COL24A1: variants seen among roughly 807,000 people sequenced by gnomAD.
COL24A1 encodes collagen alpha-1(XXIV) chain.
COL24A1 carries 224 observed loss-of-function variants against 253.9 expected under a neutral mutation model. That is an observed-to-expected ratio of 0.88 (90% CI 0.79 to 0.99). The LOEUF (loss-of-function observed/expected upper bound fraction) is 0.99, where lower values mean the gene tolerates loss of function less well. Among genes scored for constraint, COL24A1 ranks in the 50% least tolerant of loss-of-function variants. The pLI is 0.00. For synonymous variants in COL24A1, 685 were observed against 673.7 expected (o/e 1.02, Z -0.26); for missense variants, 2,131 against 2,068.5 (o/e 1.03, Z -0.59).
chr1:86,000,808 A>G (rs1300532168), intron 19 of COL24A1, among the ~76,000 whole-genome samples: 2 of 152,224 alleles, frequency 1.3e-5, no homozygotes, highest in Non-Finnish European at 2.9e-5. Flanking sequence ...TATACCAAGT[A>G]CATCATCCAA....
At chr1:85,980,559 A>C (rs1306010039) in intron 20 of COL24A1, among the ~76,000 whole-genome samples, 1 of 152,206 alleles carries the variant, frequency 6.6e-6, no homozygotes, top group East Asian at 1.9e-4. Context: ...AATAAAAATC[A>C]AGAACTCAAC....
chr1:85,843,896 A>C (rs774705123), intron 39 of COL24A1, among the ~76,000 whole-genome samples: 1 of 152,174 alleles, frequency 6.6e-6, no homozygotes, highest in Non-Finnish European at 1.5e-5. Context: ...AGAAAAAATG[A>C]ACCTTAATGT....
intron 12 of COL24A1, among the ~76,000 whole-genome samples, chr1:86,038,577 T>C (rs1473892954): frequency 6.6e-6 from 1 of 152,178 alleles, no homozygotes; most frequent in African/African-American, 2.4e-5. Context: ...TTCATGCTGT[T>C]ATGTAGTCCA....
rs767558212 is a variant in COL24A1 at position 85,868,550 on chromosome 1, G to C, written c.3269C>G (p.Pro1090Arg). Residue 1090 changes from proline to arginine, a missense_variant, in exon 37 of 60, where the codon CCC becomes CGC. Pro to Arg is a moderately radical substitution (Grantham distance 103, BLOSUM62 -2). Transcript: ENST00000370571. ...GEMGLPGIIG[P>R]LGRSGQTGLP... ...GCCTGTTTGGCCTGATCTACCCAAG[G>C]GTCCTATAATTCCTGGTAAGCCCAT... 2.5e-6 allele frequency: 4 copies of C among 1,613,746 alleles called. No homozygotes were observed. Among genetic ancestry groups the C allele is most frequent in the Non-Finnish European group, 2.5e-6 (3 of 1,179,830 alleles).
At position 85,896,243 on chromosome 1, in the gene COL24A1, G is replaced by A. The variant is rs772865217; in HGVS notation, c.2832+113C>T. The A allele has an allele frequency of 2.4e-4, 298 of 1,236,556 alleles. 1 individual carries two copies. The highest frequency in any genetic ancestry group is 3.5e-4 in the Admixed American group (16 of 45,370). The allele number at this position is 1,236,556 out of a possible 1,614,324, so 76.6% of individuals were successfully genotyped here. A position where few individuals can be genotyped will look rare whatever the true frequency, so the allele number is the denominator to read the frequency against. On this transcript the variant is annotated intron_variant, in intron 29 of 59. Coordinates refer to ENST00000370571, the MANE Select transcript of COL24A1 (RefSeq NM_152890.7). ...TTTATGCGTTTCATACTTAGACAAAGAGAAAACTTAGAACCATACTTTTGT... is the reference window on the plus strand; with the variant it reads ...TTTATGCGTTTCATACTTAGACAAAAAGAAAACTTAGAACCATACTTTTGT...
chr1:85,849,790 C>A (rs1677552782), intron 37 of COL24A1, among the ~76,000 whole-genome samples: 1 of 152,178 alleles, frequency 6.6e-6, no homozygotes, highest in Non-Finnish European at 1.5e-5. Flanking sequence ...CCAAAGGCAT[C>A]CATCTCAGCA....
chr1:85,851,889 G>A (rs1243125029), intron 37 of COL24A1, among the ~76,000 whole-genome samples: 1 of 151,966 alleles, frequency 6.6e-6, no homozygotes, highest in African/African-American at 2.4e-5. Context: ...TACGACTTTG[G>A]ACTAACACAA....
chr1:86,125,196 A>G lies in COL24A1; in HGVS notation c.1140T>C (p.His380=), dbSNP rs1311117888. ...LLNMSDNITQ[H]DDRVTGLSLF... The stretch of plus-strand genomic sequence containing the variant: ...GTGACAGACCAGTTACTCTATCATC[A>G]TGTTGTGTGATATTGTCAGACATGT... Residue 380 remains histidine (H), a synonymous_variant, in exon 3 of 60, where the codon CAT becomes CAC. Coordinates refer to ENST00000370571, the MANE Select transcript of COL24A1 (RefSeq NM_152890.7). 1 of 1,613,500 alleles carries G rather than the reference A, an allele frequency of 6.2e-7. No homozygotes were observed. Among genetic ancestry groups the G allele is most frequent in the Non-Finnish European group, 8.5e-7 (1 of 1,179,684 alleles).
intron 5 of COL24A1, among the ~76,000 whole-genome samples, chr1:86,101,069 C>G (rs1012039917): frequency 6.6e-6 from 1 of 151,998 alleles, no homozygotes; most frequent in African/African-American, 2.4e-5. Flanking sequence ...TCATTTTTGT[C>G]TGGCATCTGA....
At chr1:85,793,140 G>A (rs1670469378) in intron 47 of COL24A1, among the ~76,000 whole-genome samples, 1 of 151,260 alleles carries the variant, frequency 6.6e-6, no homozygotes, top group South Asian at 2.1e-4. Context: ...CTTGCTTATG[G>A]TAAAAGATAA....
intron 31 of COL24A1, among the ~76,000 whole-genome samples, chr1:85,891,048 C>CT (rs1388432125): frequency 1.3e-5 from 2 of 151,254 alleles, no homozygotes; most frequent in South Asian, 4.2e-4. Context: ...TAAATTGCAT[C>CT]TTTTTTTCTT....
intron 5 of COL24A1, among the ~76,000 whole-genome samples, chr1:86,098,439 G>A (rs1020544324): frequency 6.6e-6 from 1 of 152,072 alleles, no homozygotes; most frequent in African/African-American, 2.4e-5. Flanking sequence ...ACACTAACAT[G>A]TGCTTATATG....
intron 20 of COL24A1, among the ~76,000 whole-genome samples, chr1:85,973,402 T>C (rs1172047503): frequency 6.6e-6 from 1 of 152,126 alleles, no homozygotes. Flanking sequence ...TAGAGGTATA[T>C]GCAAAGTATA....
chr1:85,850,534 G>A (rs1677640275), intron 37 of COL24A1, among the ~76,000 whole-genome samples: 1 of 152,146 alleles, frequency 6.6e-6, no homozygotes. Context: ...GCATCCAGAG[G>A]TAGAAATGGT....
At chr1:85,892,229 G>A (rs542806526) in intron 31 of COL24A1, among the ~76,000 whole-genome samples, 1 of 152,044 alleles carries the variant, frequency 6.6e-6, no homozygotes, top group East Asian at 1.9e-4. Flanking sequence ...ATATGCAAGG[G>A]ATTAATTTTA....
chr1:85,741,855 T>C (rs1378534229), intron 57 of COL24A1, among the ~76,000 whole-genome samples: 2 of 152,214 alleles, frequency 1.3e-5, no homozygotes, highest in Non-Finnish European at 2.9e-5. Context: ...CTACCATTCC[T>C]CTAAACTGCT....
chr1:85,945,014 T>TTTTTTG (rs1689156826), intron 24 of COL24A1, among the ~76,000 whole-genome samples: 1 of 84,122 alleles, frequency 1.2e-5, no homozygotes, highest in African/African-American at 4.5e-5. Context: ...TTTTTTTTTT[T>TTTTTTG]TTTTTTTTTT....
intron 8 of COL24A1, among the ~76,000 whole-genome samples, chr1:86,063,355 C>CTGTGTGTGTGTGTGTGTG (rs1210005367): frequency 7.7e-6 from 1 of 129,268 alleles, no homozygotes; most frequent in African/African-American, 2.9e-5. Context: ...TTAAGTCTCT[C>CTGTGTGTGTGTGTGTGTG]TCTCTGTGTG....
Position 86,045,457 on chromosome 1 carries a change from C to T in COL24A1, c.1950+1368G>A, listed in dbSNP as rs1488609579. ...ATGGAGTAAATAAGACTAAAGAAAA[C>T]AAACCACCTATTGTTAATTTTTAGA... is the stretch of plus-strand genomic sequence containing the variant. On this transcript the variant is annotated intron_variant, in intron 12 of 59. Transcript: ENST00000370571. 2.0e-5 allele frequency among the ~76,000 whole-genome samples: 3 copies of T among 151,866 alleles called. No individual in the cohort carries two copies. In the East Asian group the frequency reaches 5.8e-4, roughly 29 times the overall value.
Sources: gnomAD v4.1 joint callset for allele counts (sites outside exome capture counted in the v4.1 genomes callset) on GRCh38, gnomAD v4.1.1 for gene constraint, MANE v1.5 for transcripts, NCBI Gene and HGNC (gene_info 2026-07-23, HGNC 2026-07-21) for gene names.